The following TTC39C variants were observed in gnomAD, a reference collection of about 807,000 sequenced individuals.
TTC39C encodes tetratricopeptide repeat protein 39C.
TTC39C carries 33 observed loss-of-function variants against 76.3 expected under a neutral mutation model. That is an observed-to-expected ratio of 0.43 (90% CI 0.33 to 0.58). The LOEUF (loss-of-function observed/expected upper bound fraction) is 0.58, where lower values mean the gene tolerates loss of function less well. Ranked by LOEUF, TTC39C falls within the 20% of genes least tolerant of loss-of-function variation. The pLI is 0.04. For missense variants in TTC39C, 595 were observed against 701.4 expected, an observed-to-expected ratio of 0.85 and a Z score of 1.71; for synonymous variants, 254 against 260.6, an observed-to-expected ratio of 0.97 and a Z score of 0.24.
At chr18:24,112,079 G>C (rs2084821992) in intron 6 of TTC39C, among the ~76,000 whole-genome samples, 1 of 152,304 alleles carries the variant, frequency 6.6e-6, no homozygotes, top group East Asian at 1.9e-4. Context: ...CCTGGTCTCA[G>C]TGCTTTCAAG....
At chr18:24,009,228 A>G (rs983357256) in intron 1 of TTC39C, among the ~76,000 whole-genome samples, 5 of 152,194 alleles carry the variant, frequency 3.3e-5, no homozygotes, top group African/African-American at 1.2e-4. Flanking sequence ...TCTAGTGGAA[A>G]GATTTTTTTT....
In TTC39C at chr18:24,114,625, A is replaced by G. The variant is rs2145809711; in HGVS notation, c.1056A>G (p.Gln352=). Residue 352 remains glutamine (Q), a synonymous_variant, in exon 7 of 14, where the codon CAA becomes CAG. Transcript: ENST00000317571. The part of the protein sequence containing the change: ...LELAVDQREI[Q]HVCLYEIGWC... The stretch of plus-strand genomic sequence containing the variant: ...TTGCAGTAGACCAGAGAGAAATTCA[A>G]CATGTCTGTCTGTATGAAATTGGTA... 3.7e-6 allele frequency: 6 copies of G among 1,613,508 alleles called. No individual in the cohort carries two copies. Among genetic ancestry groups the G allele is most frequent in the South Asian group, 1.1e-5 (1 of 91,060 alleles).
intron 10 of TTC39C, among the ~76,000 whole-genome samples, chr18:24,127,763 G>A (rs1460467608): frequency 1.3e-5 from 2 of 152,152 alleles, no homozygotes; most frequent in South Asian, 2.1e-4. Flanking sequence ...TGATCCTCCC[G>A]CTTTGGTCTT....
intron 1 of TTC39C, among the ~76,000 whole-genome samples, chr18:23,997,669 A>AAG (rs2083276379): frequency 7.5e-6 from 1 of 132,922 alleles, no homozygotes; most frequent in South Asian, 2.6e-4. Context: ...AAAGAAAGAA[A>AAG]GAAAGAAAGA....
intron 1 of TTC39C, chr18:24,006,575 G>C (rs1391705401): frequency 6.6e-6 from 1 of 151,026 alleles, no homozygotes; most frequent in East Asian, 1.9e-4. Context: ...TAATGCTATC[G>C]GGGCGGGGGC....
In TTC39C at chr18:24,132,365, C is replaced by G. The variant is rs117913413; in HGVS notation, c.1663-120C>G. ...TATGAAAATCAAGTGGATGGGAAAC[C>G]TTTACTGGGAGTGTAGAGATTTTAC... On this transcript the variant is annotated intron_variant, in intron 13 of 13. Coordinates refer to ENST00000317571, the MANE Select transcript of TTC39C (RefSeq NM_001135993.2). 1.3e-4 allele frequency: 93 copies of G among 723,866 alleles called. No individual in the cohort carries two copies. In the African/African-American group the frequency reaches 1.7e-3, roughly 13 times the overall value. 44.8% of individuals were successfully genotyped at this position (723,866 alleles called of 1,614,324 possible).
intron 6 of TTC39C, among the ~76,000 whole-genome samples, chr18:24,106,670 C>A (rs1444606159): frequency 6.6e-6 from 1 of 152,122 alleles, no homozygotes; most frequent in Admixed American, 6.5e-5. Flanking sequence ...GTGCAGCAGA[C>A]TGATGGACAG....
chr18:24,000,229 G>A (rs1393194490), intron 1 of TTC39C, among the ~76,000 whole-genome samples: 1 of 152,232 alleles, frequency 6.6e-6, no homozygotes, highest in Admixed American at 6.5e-5. Flanking sequence ...CCCTTATAGG[G>A]AGATAGGGTC....
intron 6 of TTC39C, among the ~76,000 whole-genome samples, chr18:24,087,068 T>C (rs1020030773): frequency 6.6e-6 from 1 of 152,172 alleles, no homozygotes. Context: ...ATTTCCACAA[T>C]GCAAACAATG....
At chr18:24,029,072 G>A (rs930419605) in intron 1 of TTC39C, among the ~76,000 whole-genome samples, 2 of 147,920 alleles carry the variant, frequency 1.4e-5, no homozygotes, top group East Asian at 4.1e-4. Flanking sequence ...TGAGTTGCTT[G>A]TATAAATAGA....
chr18:24,057,507 C>A (rs2084031016), intron 1 of TTC39C, among the ~76,000 whole-genome samples: 1 of 64,940 alleles, frequency 1.5e-5, no homozygotes, highest in South Asian at 5.5e-4. Context: ...ACTGTTCAGA[C>A]TAGAACATTA....
intron 1 of TTC39C, among the ~76,000 whole-genome samples, chr18:24,061,593 TAA>T (rs35502981): frequency 1.0e-5 from 1 of 95,822 alleles, no homozygotes; most frequent in Non-Finnish European, 2.0e-5. Flanking sequence ...TTGAAATAAG[TAA>T]AAAAAAAAAA....
At chr18:24,029,671 C>A (rs1348473965) in intron 1 of TTC39C, among the ~76,000 whole-genome samples, 1 of 59,666 alleles carries the variant, frequency 1.7e-5, no homozygotes, top group East Asian at 6.4e-4. Context: ...CCTTCCCCCG[C>A]TGAGTCCCCA....
chr18:24,023,351 C>T (rs1438160205), intron 1 of TTC39C, among the ~76,000 whole-genome samples: 10 of 152,082 alleles, frequency 6.6e-5, no homozygotes, highest in South Asian at 4.2e-4. Flanking sequence ...TGAGTAAGGG[C>T]GATGGGAAGC....
Position 24,133,455 on chromosome 18 carries a change from T to C in TTC39C, c.*881T>C, listed in dbSNP as rs1360703100. 1.3e-5 allele frequency: 2 copies of C among 152,252 alleles called. No individual in the cohort carries two copies. The highest frequency in any genetic ancestry group is 2.9e-5 in the Non-Finnish European group (2 of 68,048). The allele number at this position is 152,252 out of a possible 1,614,324, so 9.4% of individuals were successfully genotyped here. ...CCTAGTCTATAGATTAGACAAACAG[T>C]ATCTACATTTTAGGAGTTTACCTTT... On this transcript the variant is annotated 3_prime_UTR_variant, in exon 14 of 14. Transcript: ENST00000317571.
At chr18:24,121,669 G>A (rs2084970447) in intron 8 of TTC39C, among the ~76,000 whole-genome samples, 2 of 152,144 alleles carry the variant, frequency 1.3e-5, no homozygotes. Flanking sequence ...AGACCTTTGG[G>A]GTGGTTCAGA....
rs1277565284 is a variant in TTC39C, at chr18:24,069,253, G to A, written c.442G>A (p.Val148Ile). The change falls in exon 4 of 14, where the codon GTA becomes ATA. Residue 148 changes from valine (V) to isoleucine (I), a missense_variant. Val to Ile is a conservative substitution (Grantham distance 29). Transcript: ENST00000317571. ...GGTTTACCTGGCTGTGCTTTCATTT[G>A]TAAAACAAGAATTGTCAGGTATGCT... ...CQVYLAVLSFVKQELSAYIKG... is the reference protein window; with the variant it reads ...CQVYLAVLSFIKQELSAYIKG... 12 of 1,613,634 alleles carry A rather than the reference G, an allele frequency of 7.4e-6. No individual in the cohort carries two copies. The highest frequency in any genetic ancestry group is 1.6e-4 in the Middle Eastern group (1 of 6,062).
intron 6 of TTC39C, among the ~76,000 whole-genome samples, chr18:24,107,890 G>GGA (rs908143000): frequency 4.9e-5 from 7 of 143,972 alleles, no homozygotes; most frequent in Admixed American, 3.4e-4. Context: ...TCCCAAGTAG[G>GGA]GGGGGGGGTA....
chr18:24,123,381 TTTTTTTTGTTTG>T lies in TTC39C; in HGVS notation c.1187-449_1187-438del, dbSNP rs775852067. 2.0e-3 allele frequency among the ~76,000 whole-genome samples: 174 copies of T among 87,152 alleles called. No individual in the cohort carries two copies. The Middle Eastern group carries it at 0.022, about 11-fold the overall frequency. The allele number at this position is 87,152 out of a possible 152,430, so 57.2% of individuals were successfully genotyped here. A position where few individuals can be genotyped will look rare whatever the true frequency, so the allele number is the denominator to read the frequency against. ...CGGTGCAGTCCTTTGTGGAACAGTC[TTTTTTTTGTTTG>T]TTTGTTTGTTTGTTTGTTTGTTTGT... On this transcript the variant is annotated intron_variant, in intron 8 of 13. Coordinates refer to ENST00000317571, the MANE Select transcript of TTC39C (RefSeq NM_001135993.2).
Sources: allele counts gnomAD v4.1 joint callset (sites outside exome capture counted in the v4.1 genomes callset), GRCh38; gene constraint gnomAD v4.1.1; transcripts MANE v1.5; gene names NCBI Gene and HGNC (gene_info 2026-07-23, HGNC 2026-07-21).